ZNF835: variants seen among roughly 807,000 people sequenced by gnomAD.
ZNF835 encodes the protein zinc finger protein 835.
For missense variants in ZNF835, 783 were observed against 758.4 expected, an observed-to-expected ratio of 1.03 and a Z score of -0.38; for synonymous variants, 323 against 324.7, an observed-to-expected ratio of 0.99 and a Z score of 0.06.
In ZNF835 at chr19:56,664,614, G is replaced by T. The variant is rs369431505; in HGVS notation, c.585C>A (p.Arg195=). 3.4e-4 allele frequency: 547 copies of T among 1,605,578 alleles called. 3 individuals carry two copies. In the African/African-American group the frequency reaches 6.7e-3, roughly 20 times the overall value. Residue 195 remains arginine, a synonymous_variant, in exon 2 of 2, where the codon CGC becomes CGA. Coordinates refer to ENST00000537055, the MANE Select transcript of ZNF835 (RefSeq NM_001005850.3). The part of the protein sequence containing the change: ...WRTHTGEKPH[R]CADCGKAFTR... ...TGAAGGCCTTGCCGCAGTCGGCGCAGCGGTGCGGCTTCTCGCCCGTGTGCG... is the reference window on the plus strand; with the variant it reads ...TGAAGGCCTTGCCGCAGTCGGCGCATCGGTGCGGCTTCTCGCCCGTGTGCG...
At chr19:56,671,332 G>A (rs1046278843) in intron 1 of ZNF835, among the ~76,000 whole-genome samples, 1 of 151,452 alleles carries the variant, frequency 6.6e-6, no homozygotes, top group African/African-American at 2.4e-5. Context: ...CACAGTGACG[G>A]GCTGGCACCG....
rs774386154 is a variant in ZNF835, at chr19:56,664,692, G to T, written c.507C>A (p.His169Gln). Residue 169 changes from histidine (H) to glutamine (Q), a missense_variant, in exon 2 of 2, where the codon CAC becomes CAA. His to Gln is a conservative substitution (Grantham distance 24). Coordinates refer to ENST00000537055, the MANE Select transcript of ZNF835 (RefSeq NM_001005850.3). ...CCTGGCTGAAGGCCTTGCCGCACTC[G>T]TGGCAGGCGTAGGGCTTCTCGCCCG... ...THTGEKPYAC[H>Q]ECGKAFSQGS... is the part of the protein sequence containing the mutation. 6.2e-7 allele frequency: 1 copy of T among 1,608,660 alleles called. No homozygotes were observed. The highest frequency in any genetic ancestry group is 1.1e-5 in the South Asian group (1 of 90,602).
At position 56,665,069 on chromosome 19, in the gene ZNF835, C is replaced by A; in HGVS notation, c.130G>T (p.Gly44Ter). The A allele has an allele frequency of 6.2e-7, 1 of 1,613,978 alleles. No individual in the cohort carries two copies. Among genetic ancestry groups the A allele is most frequent in the South Asian group, 1.1e-5 (1 of 91,082 alleles). ...TGCATGCTGTCCCCAGCAGGGTCTCCCTTGCAGGCCACGGCCTCTGGCTCT... is the reference window on the plus strand; with the variant it reads ...TGCATGCTGTCCCCAGCAGGGTCTCACTTGCAGGCCACGGCCTCTGGCTCT... The part of the protein sequence containing the change: ...CPEPEAVACK[G>*]DPAGDSMQER... Residue 44 changes from glycine (G) to a stop codon, truncating the protein, a stop_gained, in exon 2 of 2, where the codon GGA (glycine) becomes TGA (stop). Coordinates refer to ENST00000537055, the MANE Select transcript of ZNF835 (RefSeq NM_001005850.3). LOFTEE classifies it low-confidence loss of function (END_TRUNC).
At position 56,662,671 on chromosome 19, in the gene ZNF835, T is replaced by C. The variant is rs1403056378; in HGVS notation, c.*914A>G. ...ACTTGGCCAAAGAAACCAAACCTTT[T>C]ATTCACTTTAATTCAATTAAATTTA... On this transcript the variant is annotated 3_prime_UTR_variant, in exon 2 of 2. Coordinates refer to ENST00000537055, the MANE Select transcript of ZNF835 (RefSeq NM_001005850.3). 1 of 152,230 alleles carries C rather than the reference T, an allele frequency of 6.6e-6. No homozygotes were observed. The highest frequency in any genetic ancestry group is 2.4e-5 in the African/African-American group (1 of 41,456). The allele number at this position is 152,230 out of a possible 1,614,324, so 9.4% of individuals were successfully genotyped here. A position where few individuals can be genotyped will look rare whatever the true frequency, so the allele number is the denominator to read the frequency against.
Position 56,662,657 on chromosome 19 carries a change from G to T in ZNF835, c.*928C>A, listed in dbSNP as rs1037622439. 6.6e-6 allele frequency: 1 copy of T among 152,202 alleles called. No individual in the cohort carries two copies. Among genetic ancestry groups the T allele is most frequent in the African/African-American group, 2.4e-5 (1 of 41,460 alleles). The allele number at this position is 152,202 out of a possible 1,614,324, so 9.4% of individuals were successfully genotyped here. The stretch of plus-strand genomic sequence containing the variant: ...TAGTAAATATGCCAACTTGGCCAAA[G>T]AAACCAAACCTTTTATTCACTTTAA... On this transcript the variant is annotated 3_prime_UTR_variant, in exon 2 of 2. Coordinates refer to ENST00000537055, the MANE Select transcript of ZNF835 (RefSeq NM_001005850.3).
rs866811030 is a variant in ZNF835, at chr19:56,665,176, G to A, written c.23C>T (p.Ala8Val). The change falls in exon 2 of 2, where the codon GCC (alanine) becomes GTC (valine). Residue 8 changes from alanine to valine, a missense_variant. Transcript: ENST00000537055. Reference protein sequence around the residue: MEGLLSVALQGAELEGNW... With the variant: MEGLLSVVLQGAELEGNW... ...TCCTTCCAACTCTGCGCCCTGGAGGGCGACGCTCAAGAGTCCCTCCATCCT... is the reference window on the plus strand; with the variant it reads ...TCCTTCCAACTCTGCGCCCTGGAGGACGACGCTCAAGAGTCCCTCCATCCT... 1.2e-6 allele frequency: 2 copies of A among 1,613,986 alleles called. No individual in the cohort carries two copies. Among genetic ancestry groups the A allele is most frequent in the Admixed American group, 1.7e-5 (1 of 60,028 alleles).
At position 56,664,212 on chromosome 19, in the gene ZNF835, T is replaced by A. The variant is rs373121194; in HGVS notation, c.987A>T (p.Thr329=). 1 of 1,570,148 alleles carries A rather than the reference T, an allele frequency of 6.4e-7. No individual in the cohort carries two copies. The highest frequency in any genetic ancestry group is 2.3e-5 in the East Asian group (1 of 43,098). The change falls in exon 2 of 2, where the codon ACA becomes ACT. Residue 329 remains threonine (T), a synonymous_variant. Coordinates refer to ENST00000537055, the MANE Select transcript of ZNF835 (RefSeq NM_001005850.3). The part of the protein sequence containing the change: ...ASLAEHRRIH[T]GEKPYACGQC... Reference sequence around the variant, plus strand: ...GGCCGCACGCGTAGGGCTTCTCGCCTGTGTGGATGCGCCGGTGCTCGGCCA... The same window carrying A: ...GGCCGCACGCGTAGGGCTTCTCGCCAGTGTGGATGCGCCGGTGCTCGGCCA...
chr19:56,663,003 A>C lies in ZNF835; in HGVS notation c.*582T>G, dbSNP rs2045197909. The C allele has an allele frequency of 6.5e-6, 1 of 152,796 alleles. No individual in the cohort carries two copies. Among genetic ancestry groups the C allele is most frequent in the Non-Finnish European group, 1.5e-5 (1 of 68,668 alleles). The allele number at this position is 152,796 out of a possible 1,614,324, so 9.5% of individuals were successfully genotyped here. ...TGAAACCCCGCCTCTACTAAAATAC[A>C]AAAAAACTAGTCCGGGTGTGGTGGC... On this transcript the variant is annotated 3_prime_UTR_variant, in exon 2 of 2. Transcript: ENST00000537055.
chr19:56,666,736 A>G (rs1397216097), intron 1 of ZNF835, among the ~76,000 whole-genome samples: 1 of 152,208 alleles, frequency 6.6e-6, no homozygotes, highest in African/African-American at 2.4e-5. Flanking sequence ...TGATTAGGTC[A>G]TGAGGGCATC....
chr19:56,665,177 C>G lies in ZNF835; in HGVS notation c.22G>C (p.Ala8Pro). Residue 8 changes from alanine (A) to proline (P), a missense_variant, in exon 2 of 2, where the codon GCC becomes CCC. Transcript: ENST00000537055. ...CCTTCCAACTCTGCGCCCTGGAGGGCGACGCTCAAGAGTCCCTCCATCCTC... is the reference window on the plus strand; with the variant it reads ...CCTTCCAACTCTGCGCCCTGGAGGGGGACGCTCAAGAGTCCCTCCATCCTC... MEGLLSV[A>P]LQGAELEGNW... The G allele has an allele frequency of 6.2e-7, 1 of 1,613,930 alleles. No homozygotes were observed. The highest frequency in any genetic ancestry group is 1.1e-5 in the South Asian group (1 of 91,084).
chr19:56,663,255 G>A lies in ZNF835; in HGVS notation c.*330C>T, dbSNP rs528086152. On this transcript the variant is annotated 3_prime_UTR_variant, in exon 2 of 2. Coordinates refer to ENST00000537055, the MANE Select transcript of ZNF835 (RefSeq NM_001005850.3). ...AATCACTTGTACCCGGGAGGCAGAAGTTTCAGTGAGCCGAGATCGCTCCAC... is the reference window on the plus strand; with the variant it reads ...AATCACTTGTACCCGGGAGGCAGAAATTTCAGTGAGCCGAGATCGCTCCAC... 3.1e-6 allele frequency: 1 copy of A among 325,760 alleles called. No individual in the cohort carries two copies. Among genetic ancestry groups the A allele is most frequent in the East Asian group, 7.2e-5 (1 of 13,946 alleles). The allele number at this position is 325,760 out of a possible 1,614,324, so 20.2% of individuals were successfully genotyped here. A position where few individuals can be genotyped will look rare whatever the true frequency, so the allele number is the denominator to read the frequency against.
chr19:56,663,084 C>T lies in ZNF835; in HGVS notation c.*501G>A, dbSNP rs573794115. On this transcript the variant is annotated 3_prime_UTR_variant, in exon 2 of 2. Transcript: ENST00000537055. ...GCTGAGGTAGGGGAATCACTTGAACCCGGGAGGCGGAGGTTGCAGTGAGCC... is the reference window on the plus strand; with the variant it reads ...GCTGAGGTAGGGGAATCACTTGAACTCGGGAGGCGGAGGTTGCAGTGAGCC... 3.2e-5 allele frequency: 5 copies of T among 156,088 alleles called. No individual in the cohort carries two copies. Among genetic ancestry groups the T allele is most frequent in the East Asian group, 3.8e-4 (2 of 5,222 alleles). The allele number at this position is 156,088 out of a possible 1,614,324, so 9.7% of individuals were successfully genotyped here. A position where few individuals can be genotyped will look rare whatever the true frequency, so the allele number is the denominator to read the frequency against.
intron 1 of ZNF835, among the ~76,000 whole-genome samples, chr19:56,669,581 G>A (rs924756364): frequency 2.5e-5 from 3 of 122,306 alleles, no homozygotes; most frequent in African/African-American, 3.4e-5. Context: ...GTACTTGGGG[G>A]CCTATCAGGA....
rs145979536 is a variant in ZNF835, at chr19:56,664,443, G to A, written c.756C>T (p.Cys252=). ...AGCGGAAGGCCTTGGCGCACGCGGA[G>A]CACTCGTAGGGCTTCTCACCGGTGT... The part of the protein sequence containing the change: ...RIHTGEKPYE[C]SACAKAFRFS... Residue 252 remains cysteine (C), a synonymous_variant, in exon 2 of 2, where the codon TGC becomes TGT. Transcript: ENST00000537055. The A allele has an allele frequency of 5.0e-4, 803 of 1,612,926 alleles. 1 individual carries two copies. The highest frequency in any genetic ancestry group is 6.3e-4 in the Non-Finnish European group (740 of 1,179,414).
chr19:56,667,530 T>G (rs952254417), intron 1 of ZNF835, among the ~76,000 whole-genome samples: 2 of 152,228 alleles, frequency 1.3e-5, no homozygotes, highest in African/African-American at 4.8e-5. Context: ...CTCAGCAAGC[T>G]TGGCCTCATG....
In ZNF835 at chr19:56,663,748, C is replaced by G. The variant is rs1222428954; in HGVS notation, c.1451G>C (p.Ser484Thr). 2 of 1,613,804 alleles carry G rather than the reference C, an allele frequency of 1.2e-6. No homozygotes were observed. Among genetic ancestry groups the G allele is most frequent in the African/African-American group, 1.3e-5 (1 of 74,938 alleles). Residue 484 changes from serine (S) to threonine (T), a missense_variant, in exon 2 of 2, where the codon AGC becomes ACC. Physicochemically the swap from Ser to Thr is moderately conservative, Grantham distance 58. Coordinates refer to ENST00000537055, the MANE Select transcript of ZNF835 (RefSeq NM_001005850.3). The stretch of plus-strand genomic sequence containing the variant: ...GTGTCGGATGAGCGCGGAGGAGAAG[C>G]TGAAGGCCTTCCCGCAGCCGCTGCA... ...YECSGCGKAF[S>T]FSSALIRHQR...
chr19:56,666,486 CG>C (rs573456572), intron 1 of ZNF835, among the ~76,000 whole-genome samples: 1 of 152,156 alleles, frequency 6.6e-6, no homozygotes, highest in Non-Finnish European at 1.5e-5. Flanking sequence ...AGAAGGCAGC[CG>C]TCTGCAAGCC....
intron 1 of ZNF835, among the ~76,000 whole-genome samples, chr19:56,666,619 T>A (rs1487705968): frequency 6.6e-6 from 1 of 152,200 alleles, no homozygotes; most frequent in Non-Finnish European, 1.5e-5. Flanking sequence ...ATTTTTTTTG[T>A]AAGCTGGAGC....
In ZNF835 at chr19:56,663,882, C is replaced by T. The variant is rs537351450; in HGVS notation, c.1317G>A (p.Thr439=). 1 of 1,607,738 alleles carries T rather than the reference C, an allele frequency of 6.2e-7. No individual in the cohort carries two copies. Among genetic ancestry groups the T allele is most frequent in the East Asian group, 2.2e-5 (1 of 44,830 alleles). The part of the protein sequence containing the change: ...QGSSLALHQR[T]HTGERPYTCP... ...AGGTGTAGGGCCGCTCGCCCGTGTG[C>T]GTGCGCTGGTGCAGGGCGAGCGAGG... The change falls in exon 2 of 2, where the codon ACG becomes ACA. Residue 439 remains threonine, a synonymous_variant. Coordinates refer to ENST00000537055, the MANE Select transcript of ZNF835 (RefSeq NM_001005850.3).
Sources: gnomAD v4.1 joint callset for allele counts (sites outside exome capture counted in the v4.1 genomes callset) on GRCh38, gnomAD v4.1.1 for gene constraint, MANE v1.5 for transcripts, NCBI Gene and HGNC (gene_info 2026-07-23, HGNC 2026-07-21) for gene names.